Variants in NF1 observed in about 807,000 individuals in gnomAD.
NF1 encodes the protein neurofibromin 1.
NF1 carries 122 observed loss-of-function variants against 325.7 expected under a neutral mutation model. The observed-to-expected ratio is 0.37, with a 90% confidence interval of 0.32 to 0.44. NF1 has a LOEUF of 0.44. NF1 is among the 20% of genes least tolerant of loss of function. The pLI is 1.00. For synonymous variants in NF1, 1,091 were observed against 1,186.0 expected (o/e 0.92, Z 1.65); for missense variants, 2,140 against 3,415.4 (o/e 0.63, Z 9.31).
At chr17:31,238,256 A>G (rs964765492) in intron 29 of NF1, among the ~76,000 whole-genome samples, 9 of 123,958 alleles carry the variant, frequency 7.3e-5, no homozygotes, top group African/African-American at 3.6e-4. Context: ...ATAGGAGAAA[A>G]ATCCCTTTAT....
At chr17:31,132,139 C>T (rs1055118633) in intron 1 of NF1, among the ~76,000 whole-genome samples, 3 of 152,038 alleles carry the variant, frequency 2.0e-5, no homozygotes, top group Non-Finnish European at 4.4e-5. Context: ...CACCTTGTTG[C>T]CCAGGCTGGT....
At position 31,179,640 on chromosome 17, in the gene NF1, G is replaced by A. The variant is rs188932131; in HGVS notation, c.587-1782G>A. Among the ~76,000 whole-genome samples the A allele has an allele frequency of 5.3e-5, 8 of 152,164 alleles. No individual in the cohort carries two copies. In the East Asian group the frequency reaches 1.5e-3, roughly 29 times the overall value. On this transcript the variant is annotated intron_variant, in intron 5 of 57. Coordinates refer to ENST00000358273, the MANE Select transcript of NF1 (RefSeq NM_001042492.3). The stretch of plus-strand genomic sequence containing the variant: ...TACTAAAAATACAAAAAAATTAGCC[G>A]GGCATGGTGGCAGGCACCTGTAGTC...
At chr17:31,161,870 T>A (rs1489150536) in intron 3 of NF1, among the ~76,000 whole-genome samples, 1 of 151,448 alleles carries the variant, frequency 6.6e-6, no homozygotes, top group South Asian at 2.1e-4. Context: ...ACCCCATATC[T>A]GCTAAAAATA....
chr17:31,248,903 T>C (rs1057013509), intron 29 of NF1, 81 bp from the exon 30 acceptor site: 152 of 1,403,880 alleles, frequency 1.1e-4, no homozygotes, highest in Middle Eastern at 3.5e-4. Flanking sequence ...TTAATGTCTG[T>C]ATAAGAGTCT....
At chr17:31,204,732 G>GT (rs2066590716) in intron 11 of NF1, among the ~76,000 whole-genome samples, 2 of 151,958 alleles carry the variant, frequency 1.3e-5, no homozygotes, top group Admixed American at 1.3e-4. Context: ...GCCTTTCTTA[G>GT]TTTATCAGTT....
intron 5 of NF1, among the ~76,000 whole-genome samples, chr17:31,173,450 G>A (rs1489359211): frequency 1.3e-5 from 2 of 151,878 alleles, no homozygotes; most frequent in East Asian, 3.9e-4. Context: ...CAAAAAATTA[G>A]CCGGGTGTGG....
intron 1 of NF1, among the ~76,000 whole-genome samples, chr17:31,145,381 C>T (rs1314932153): frequency 1.3e-5 from 2 of 152,062 alleles, no homozygotes; most frequent in Non-Finnish European, 2.9e-5. Context: ...TTGGGTTTCA[C>T]GAGGTTTCCC....
At chr17:31,125,236 T>C (rs2143417538) in intron 1 of NF1, among the ~76,000 whole-genome samples, 1 of 152,268 alleles carries the variant, frequency 6.6e-6, no homozygotes, top group East Asian at 1.9e-4. Context: ...AGCATCATTT[T>C]TCTTTTGAGC....
chr17:31,108,464 C>G lies in NF1; in HGVS notation c.60+13095C>G, dbSNP rs142032796. 2.9e-4 allele frequency among the ~76,000 whole-genome samples: 44 copies of G among 151,860 alleles called. No homozygotes were observed. In the East Asian group the frequency reaches 8.0e-3, roughly 27 times the overall value. ...AAATTTTTTGTATTTTTTGTAGAGA[C>G]AGGGTTTTGTCATATTGTGCAGGTT... On this transcript the variant is annotated intron_variant, in intron 1 of 57. Transcript: ENST00000358273.
intron 12 of NF1, among the ~76,000 whole-genome samples, chr17:31,209,508 A>G (rs1264660397): frequency 2.6e-5 from 4 of 152,348 alleles, no homozygotes; most frequent in South Asian, 4.1e-4. Flanking sequence ...TTGGAGCTCT[A>G]TAGAATACTT....
intron 21 of NF1, 47 bp downstream of exon 21, chr17:31,229,512 T>C: frequency 6.4e-7 from 1 of 1,572,020 alleles, no homozygotes; most frequent in Non-Finnish European, 8.7e-7. Context: ...ATAGAGTGAC[T>C]TGTTTGAAAT....
chr17:31,231,181 T>C (rs1212223708), intron 24 of NF1, among the ~76,000 whole-genome samples: 1 of 152,168 alleles, frequency 6.6e-6, no homozygotes, highest in Non-Finnish European at 1.5e-5. Flanking sequence ...TCTACAGTTA[T>C]TGGGAAATAA....
In NF1 at chr17:31,301,976, C is replaced by T. The variant is rs141168995; in HGVS notation, c.4836-23844C>T. On this transcript the variant is annotated intron_variant, in intron 36 of 57. Coordinates refer to ENST00000358273, the MANE Select transcript of NF1 (RefSeq NM_001042492.3). Reference sequence around the variant, plus strand: ...TTCTCTAAAAGATTTTTCTTTGTTCCAGCATTTTCTTCTGTCCTGCATTTA... The same window carrying T: ...TTCTCTAAAAGATTTTTCTTTGTTCTAGCATTTTCTTCTGTCCTGCATTTA... Among the ~76,000 whole-genome samples, 162 of 152,128 alleles carry T rather than the reference C, an allele frequency of 1.1e-3. 1 individual carries two copies. The highest frequency in any genetic ancestry group is 3.8e-3 in the African/African-American group (157 of 41,482).
intron 1 of NF1, among the ~76,000 whole-genome samples, chr17:31,101,476 A>AT (rs1912335595): frequency 6.6e-6 from 1 of 152,164 alleles, no homozygotes; most frequent in Non-Finnish European, 1.5e-5. Context: ...TTCTAACAGC[A>AT]TGTCTCTGTG....
intron 15 of NF1, chr17:31,222,463 A>G: frequency 9.7e-7 from 1 of 1,031,436 alleles, no homozygotes; most frequent in Non-Finnish European, 1.2e-6. Flanking sequence ...ACACGGAGGA[A>G]AATGTAAATG....
intron 36 of NF1, among the ~76,000 whole-genome samples, chr17:31,322,205 A>G (rs35109242): frequency 0.5 from 76,033 of 151,782 alleles, 20,806 homozygotes; most frequent in Non-Finnish European, 0.62. Flanking sequence ...TGGGCTGAAC[A>G]CGGTGGCTCA....
chr17:31,225,791 A>G (rs2067002816), intron 17 of NF1, among the ~76,000 whole-genome samples: 1 of 152,314 alleles, frequency 6.6e-6, no homozygotes, highest in Non-Finnish European at 1.5e-5. Context: ...TTTCATTCCT[A>G]ATTTTTAATG....
intron 36 of NF1, among the ~76,000 whole-genome samples, chr17:31,312,599 A>G (rs2068907106): frequency 6.6e-6 from 1 of 152,086 alleles, no homozygotes; most frequent in African/African-American, 2.4e-5. Context: ...ATTTTATGAA[A>G]TATGACAGTG....
chr17:31,181,541 CT>C lies in NF1; in HGVS notation c.654+53del, dbSNP rs767243119. ...AATTTTGTTTTTGATGTAAAATTTG[CT>C]GTTGTTAGCATCCTGAATCAAAAAG... is the stretch of plus-strand genomic sequence containing the variant. On this transcript the variant is annotated intron_variant, in intron 6 of 57. Coordinates refer to ENST00000358273, the MANE Select transcript of NF1 (RefSeq NM_001042492.3). 5 of 1,541,412 alleles carry C rather than the reference CT, an allele frequency of 3.2e-6. No homozygotes were observed. The African/African-American group carries it at 5.4e-5, about 17-fold the overall frequency.
Sources: gnomAD v4.1 joint callset for allele counts (sites outside exome capture counted in the v4.1 genomes callset) on GRCh38, gnomAD v4.1.1 for gene constraint, MANE v1.5 for transcripts, NCBI Gene and HGNC (gene_info 2026-07-23, HGNC 2026-07-21) for gene names.